Variants in CATSPER3 observed in about 807,000 individuals in gnomAD.
The protein encoded by CATSPER3 is cation channel sperm-associated protein 3.
CATSPER3 carries 23 observed loss-of-function variants against 36.6 expected under a neutral mutation model. That is an observed-to-expected ratio of 0.63 (90% CI 0.45 to 0.89). The LOEUF is 0.89. Ranked by LOEUF, CATSPER3 falls within the 40% of genes least tolerant of loss-of-function variation. The pLI is 0.00. For synonymous variants in CATSPER3, 172 were observed against 184.1 expected (o/e 0.93, Z 0.53); for missense variants, 474 against 503.9 (o/e 0.94, Z 0.57).
intron 2 of CATSPER3, among the ~76,000 whole-genome samples, chr5:134,976,289 C>T (rs1388939158): frequency 6.6e-6 from 1 of 152,132 alleles, no homozygotes; most frequent in Non-Finnish European, 1.5e-5. Context: ...CCTCTGCACT[C>T]CAGCCTGGGT....
chr5:134,990,046 C>T lies in CATSPER3; in HGVS notation c.253-6227C>T, dbSNP rs150038907. ...GGAATGGCTGGTCAGTGGAGCAGTCCGAACATGCACATTCATTGAGTTTGC... is the reference window on the plus strand; with the variant it reads ...GGAATGGCTGGTCAGTGGAGCAGTCTGAACATGCACATTCATTGAGTTTGC... On this transcript the variant is annotated intron_variant, in intron 2 of 7. Coordinates refer to ENST00000282611, the MANE Select transcript of CATSPER3 (RefSeq NM_178019.3). Among the ~76,000 whole-genome samples, 372 of 152,166 alleles carry T rather than the reference C, an allele frequency of 2.4e-3. 2 individuals are homozygous for T. Among genetic ancestry groups the T allele is most frequent in the African/African-American group, 8.4e-3 (350 of 41,510 alleles).
At chr5:135,003,466 G>A (rs939342749) in intron 3 of CATSPER3, among the ~76,000 whole-genome samples, 1 of 152,160 alleles carries the variant, frequency 6.6e-6, no homozygotes, top group Non-Finnish European at 1.5e-5. Context: ...GAGAACCACT[G>A]CTCTCTTCAA....
intron 2 of CATSPER3, among the ~76,000 whole-genome samples, chr5:134,975,599 T>C (rs1027185180): frequency 6.6e-6 from 1 of 152,070 alleles, no homozygotes; most frequent in South Asian, 2.1e-4. Flanking sequence ...GATGACAGAG[T>C]GAGACGTTGT....
intron 2 of CATSPER3, among the ~76,000 whole-genome samples, chr5:134,977,510 G>A (rs760817996): frequency 6.6e-5 from 10 of 152,160 alleles, no homozygotes; most frequent in African/African-American, 2.4e-4. Flanking sequence ...GACCTCATCA[G>A]CCTGGGCTTC....
rs191396507 is a variant in CATSPER3, at chr5:134,978,898, A to G, written c.252+8806A>G. ...CCATGCCCGGCTAATTTATTTTTGT[A>G]TTTTTAGTAGAGACGGGGTTTCACC... On this transcript the variant is annotated intron_variant, in intron 2 of 7. Coordinates refer to ENST00000282611, the MANE Select transcript of CATSPER3 (RefSeq NM_178019.3). Among the ~76,000 whole-genome samples the G allele has an allele frequency of 4.6e-3, 694 of 151,164 alleles. 5 individuals carry two copies. The highest frequency in any genetic ancestry group is 0.016 in the African/African-American group (659 of 41,110).
chr5:134,976,029 A>G (rs1751668715), intron 2 of CATSPER3, among the ~76,000 whole-genome samples: 1 of 152,246 alleles, frequency 6.6e-6, no homozygotes, highest in East Asian at 1.9e-4. Flanking sequence ...GCACAGAAGA[A>G]CAAATACTAC....
intron 2 of CATSPER3, among the ~76,000 whole-genome samples, chr5:134,984,659 A>G (rs1751787885): frequency 6.6e-6 from 1 of 152,234 alleles, no homozygotes; most frequent in Admixed American, 6.5e-5. Flanking sequence ...GGAAATGCTT[A>G]TACATTGCTG....
intron 2 of CATSPER3, among the ~76,000 whole-genome samples, chr5:134,984,435 T>A (rs1259040220): frequency 6.6e-6 from 1 of 151,426 alleles, no homozygotes; most frequent in Admixed American, 6.6e-5. Flanking sequence ...GAAAAACAAA[T>A]CCCATTAAAA....
chr5:134,998,253 C>T (rs1348946707), intron 3 of CATSPER3, among the ~76,000 whole-genome samples: 1 of 152,210 alleles, frequency 6.6e-6, no homozygotes, highest in Non-Finnish European at 1.5e-5. Flanking sequence ...ATGAACTCAT[C>T]CTTTTTTATG....
intron 3 of CATSPER3, among the ~76,000 whole-genome samples, chr5:134,996,992 G>C (rs1164945744): frequency 2.6e-5 from 4 of 152,238 alleles, no homozygotes; most frequent in Non-Finnish European, 5.9e-5. Flanking sequence ...GGCTACTCCT[G>C]CTGAGAAGTC....
intron 2 of CATSPER3, among the ~76,000 whole-genome samples, chr5:134,990,874 C>T (rs1447281200): frequency 6.6e-6 from 1 of 152,196 alleles, no homozygotes; most frequent in Non-Finnish European, 1.5e-5. Flanking sequence ...TACTCACATA[C>T]ACACAAGAGG....
chr5:135,006,028 A>G (rs10479087), intron 3 of CATSPER3, among the ~76,000 whole-genome samples: 8,592 of 152,220 alleles, frequency 0.056, 744 homozygotes, highest in African/African-American at 0.19. Context: ...TTGCCCCCCC[A>G]AAAGAATTTG....
chr5:134,986,259 C>T (rs1580907011), intron 2 of CATSPER3, among the ~76,000 whole-genome samples: 1 of 151,654 alleles, frequency 6.6e-6, no homozygotes, highest in East Asian at 1.9e-4. Context: ...ATCCTCCTGC[C>T]TCAGCTTTCT....
intron 3 of CATSPER3, among the ~76,000 whole-genome samples, chr5:134,998,814 G>A: frequency 6.6e-6 from 1 of 152,098 alleles, no homozygotes; most frequent in East Asian, 1.9e-4. Context: ...CTGGATATTA[G>A]CCCTTTGTCA....
In CATSPER3 at chr5:135,008,863, A is replaced by G. The variant is rs1320918230; in HGVS notation, c.698A>G (p.Gln233Arg). The G allele has an allele frequency of 1.2e-6, 2 of 1,614,174 alleles. No homozygotes were observed. Among genetic ancestry groups the G allele is most frequent in the Admixed American group, 3.3e-5 (2 of 60,028 alleles). Residue 233 changes from glutamine to arginine, a missense_variant, in exon 5 of 8, where the codon CAG becomes CGG. By Grantham distance (43) the Gln-to-Arg change is conservative. Coordinates refer to ENST00000282611, the MANE Select transcript of CATSPER3 (RefSeq NM_178019.3). ...LATVDGWTDL[Q>R]KQLDNREFAL... Reference sequence around the variant, plus strand: ...CAGGTTGATGGCTGGACAGACCTGCAGAAGCAGTTGGACAATCGGGAATTT... The same window carrying G: ...CAGGTTGATGGCTGGACAGACCTGCGGAAGCAGTTGGACAATCGGGAATTT...
At chr5:134,973,826 G>A (rs977459502) in intron 2 of CATSPER3, among the ~76,000 whole-genome samples, 5 of 152,166 alleles carry the variant, frequency 3.3e-5, no homozygotes, top group African/African-American at 9.7e-5. Flanking sequence ...AATCTATGAG[G>A]TTTTAATGAT....
Position 135,010,497 on chromosome 5 carries a change from C to G in CATSPER3, c.1061C>G (p.Ser354Cys), listed in dbSNP as rs370122431. The G allele has an allele frequency of 2.7e-4, 433 of 1,613,976 alleles. No homozygotes were observed. The highest frequency in any genetic ancestry group is 3.6e-4 in the Non-Finnish European group (419 of 1,179,940). Residue 354 changes from serine (S) to cysteine (C), a missense_variant, in exon 7 of 8, where the codon TCC (serine) becomes TGC (cysteine). Ser to Cys is a moderately radical substitution (Grantham distance 112, BLOSUM62 -1). Transcript: ENST00000282611. ...TTACCCTTCATCGATATCTACTTTT[C>G]CACTCTGGACTACCAGGACACAACT... ...TSLPFIDIYFSTLDYQDTTVH... is the reference protein window; with the variant it reads ...TSLPFIDIYFCTLDYQDTTVH...
chr5:134,973,649 A>AAGAGTCCTACTGGCCAAAGATGGGAC (rs1168519771), intron 2 of CATSPER3, among the ~76,000 whole-genome samples: 3 of 152,208 alleles, frequency 2.0e-5, no homozygotes, highest in South Asian at 4.1e-4. Flanking sequence ...AGACTATGTG[A>AAGAGTCCTACTGGCCAAAGATGGGAC]AGAGTCCTAC....
intron 2 of CATSPER3, among the ~76,000 whole-genome samples, chr5:134,995,414 C>T (rs1751933048): frequency 1.3e-5 from 2 of 152,144 alleles, no homozygotes; most frequent in South Asian, 4.1e-4. Flanking sequence ...TCCATCTTTT[C>T]TAAAATAGCT....
Sources: allele counts gnomAD v4.1 joint callset (sites outside exome capture counted in the v4.1 genomes callset), GRCh38; gene constraint gnomAD v4.1.1; transcripts MANE v1.5; gene names NCBI Gene and HGNC (gene_info 2026-07-23, HGNC 2026-07-21).